The following FBXW10 variants were observed in gnomAD, a reference collection of about 807,000 sequenced individuals.
FBXW10 encodes F-box/WD repeat-containing protein 10.
FBXW10 carries 68 observed loss-of-function variants against 113.1 expected under a neutral mutation model. The ratio of observed to expected loss-of-function variants is 0.60; its 90% CI spans 0.49 to 0.74. The LOEUF is 0.74. Among genes scored for constraint, FBXW10 ranks in the 30% least tolerant of loss-of-function variants. The pLI is 0.00. For synonymous variants in FBXW10, 289 were observed against 481.6 expected (o/e 0.60, Z 5.24); for missense variants, 753 against 1,284.5 (o/e 0.59, Z 6.32).
intron 7 of FBXW10, among the ~76,000 whole-genome samples, chr17:18,761,358 C>T (rs1477831039): frequency 1.2e-4 from 18 of 151,676 alleles, no homozygotes; most frequent in African/African-American, 3.2e-4. Flanking sequence ...CTCCGCCTTC[C>T]GTGATCATGC....
Position 18,778,968 on chromosome 17 carries a change from C to T in FBXW10, c.2829C>T (p.Thr943=), listed in dbSNP as rs776926279. The change falls in exon 14 of 14, where the codon ACC becomes ACT. Residue 943 remains threonine (T), a synonymous_variant. Transcript: ENST00000395665. ...ERAVCSTGPL[T]SMQVIKPNRM... ...CTGTGTGCAGTACGGGTCCCCTGAC[C>T]AGTATGCAGGTCATTAAACCAAACC... 2.5e-6 allele frequency: 4 copies of T among 1,607,334 alleles called. No homozygotes were observed. In the South Asian group the frequency reaches 4.4e-5, roughly 18 times the overall value.
rs574942001 is a variant in FBXW10 at position 18,771,244 on chromosome 17, G to C, written c.2006+1159G>C. ...TGACACCCCGCATTCCATTCCAGCA[G>C]TTCCAGCCAAAACAAGTTACTTTTC... On this transcript the variant is annotated intron_variant, in intron 11 of 13. Transcript: ENST00000395665. Among the ~76,000 whole-genome samples, 162 of 152,318 alleles carry C rather than the reference G, an allele frequency of 1.1e-3. 1 individual carries two copies. Among genetic ancestry groups the C allele is most frequent in the Non-Finnish European group, 1.8e-3 (123 of 68,030 alleles).
At chr17:18,747,713 A>C (rs905920163) in intron 1 of FBXW10, among the ~76,000 whole-genome samples, 9 of 152,248 alleles carry the variant, frequency 5.9e-5, no homozygotes, top group African/African-American at 2.2e-4. Context: ...GCTTGTATAA[A>C]CAACTCGAGA....
rs1409935576 is a variant in FBXW10 at position 18,766,657 on chromosome 17, T to C, written c.1556-57T>C. 3.8e-6 allele frequency: 6 copies of C among 1,581,812 alleles called. No individual in the cohort carries two copies. In the African/African-American group the frequency reaches 5.4e-5, roughly 14 times the overall value. The stretch of plus-strand genomic sequence containing the variant: ...GGGGAGCAGAACTCCACTGTAACCT[T>C]TCCTTTTCCCCCTTTTTCCCCACTC... On this transcript the variant is annotated intron_variant, in intron 8 of 13. Transcript: ENST00000395665.
chr17:18,754,686 C>T (rs1408994811), intron 5 of FBXW10, among the ~76,000 whole-genome samples: 1 of 151,706 alleles, frequency 6.6e-6, no homozygotes. Context: ...TCATCTATGC[C>T]AGAATTTAGC....
chr17:18,776,663 C>T (rs1366010647), intron 13 of FBXW10, among the ~76,000 whole-genome samples: 1 of 152,190 alleles, frequency 6.6e-6, no homozygotes, highest in Admixed American at 6.5e-5. Context: ...CTGAAAAATA[C>T]TGTATCAATT....
Position 18,750,056 on chromosome 17 carries a change from G to C in FBXW10, c.918G>C (p.Gln306His), listed in dbSNP as rs1461957023. ...HTLNKCASVSQHWAAMAQQVK... is the reference protein window; with the variant it reads ...HTLNKCASVSHHWAAMAQQVK... Reference sequence around the variant, plus strand: ...TGAACAAGTGCGCCTCTGTGAGCCAGCACTGGGCCGCCATGGCTCAACAGG... The same window carrying C: ...TGAACAAGTGCGCCTCTGTGAGCCACCACTGGGCCGCCATGGCTCAACAGG... The change falls in exon 4 of 14, where the codon CAG becomes CAC. Residue 306 changes from glutamine (Q) to histidine (H), a missense_variant. Physicochemically the swap from Gln to His is conservative, Grantham distance 24. Coordinates refer to ENST00000395665, the MANE Select transcript of FBXW10 (RefSeq NM_001267585.2). 5 of 1,613,366 alleles carry C rather than the reference G, an allele frequency of 3.1e-6. No homozygotes were observed. The African/African-American group carries it at 6.7e-5, about 22-fold the overall frequency.
At position 18,744,220 on chromosome 17, in the gene FBXW10, A is replaced by G. The variant is rs758716432; in HGVS notation, c.-25A>G. 2.8e-6 allele frequency: 3 copies of G among 1,074,066 alleles called. No homozygotes were observed. Among genetic ancestry groups the G allele is most frequent in the Admixed American group, 1.9e-5 (1 of 51,662 alleles). The allele number at this position is 1,074,066 out of a possible 1,614,324, so 66.5% of individuals were successfully genotyped here. On this transcript the variant is annotated 5_prime_UTR_variant, in exon 1 of 14. Transcript: ENST00000395665. ...GTTGCCGTTGCAAGTGCGCAGGGCT[A>G]AAATGGACTGGTTATCTTAGGATCA... is the stretch of plus-strand genomic sequence containing the variant.
intron 11 of FBXW10, among the ~76,000 whole-genome samples, chr17:18,770,891 CT>C (rs1301880708): frequency 3.3e-5 from 5 of 152,168 alleles, no homozygotes; most frequent in African/African-American, 1.2e-4. Flanking sequence ...CAGTACTGTG[CT>C]TTATATATGC....
Position 18,772,473 on chromosome 17 carries a change from T to C in FBXW10, c.2068T>C (p.Tyr690His), listed in dbSNP as rs769981277. 3.7e-6 allele frequency: 6 copies of C among 1,613,872 alleles called. No individual in the cohort carries two copies. Among genetic ancestry groups the C allele is most frequent in the Non-Finnish European group, 5.1e-6 (6 of 1,179,816 alleles). Residue 690 changes from tyrosine (Y) to histidine (H), a missense_variant, in exon 12 of 14, where the codon TAT becomes CAT. By Grantham distance (83) the Tyr-to-His change is moderately conservative. Transcript: ENST00000395665. ...MFQFEHIKWQ[Y>H]AVEKTKQKKN... ...CCAGTTTGAGCACATAAAGTGGCAG[T>C]ATGCCGTGGAAAAAACGAAACAAAA...
intron 12 of FBXW10, among the ~76,000 whole-genome samples, chr17:18,773,423 T>C (rs2035651821): frequency 6.6e-6 from 1 of 152,156 alleles, no homozygotes; most frequent in Non-Finnish European, 1.5e-5. Flanking sequence ...CTGTGCAGAA[T>C]GTATTGTTTT....
chr17:18,759,149 G>A (rs1479647230), intron 7 of FBXW10, among the ~76,000 whole-genome samples: 6 of 151,782 alleles, frequency 4.0e-5, no homozygotes, highest in African/African-American at 9.7e-5. Flanking sequence ...CAGACTGGGC[G>A]ACACAGCGAG....
intron 7 of FBXW10, among the ~76,000 whole-genome samples, chr17:18,762,070 C>T (rs2035395549): frequency 6.6e-6 from 1 of 151,934 alleles, no homozygotes; most frequent in African/African-American, 2.4e-5. Flanking sequence ...TCATGCCATT[C>T]TCCTTCCTCA....
intron 2 of FBXW10, among the ~76,000 whole-genome samples, chr17:18,748,323 A>G (rs2035084699): frequency 1.3e-5 from 2 of 150,060 alleles, no homozygotes; most frequent in South Asian, 4.2e-4. Flanking sequence ...AGGCAGCAGA[A>G]GGGCGTGAAG....
Position 18,778,783 on chromosome 17 carries a change from A to G in FBXW10, c.2644A>G (p.Thr882Ala). Reference sequence around the variant, plus strand: ...CAATCCTCCTATAGATGTGAAACGAACCAGTATTCCCCTTGAAATCCAGAA... The same window carrying G: ...CAATCCTCCTATAGATGTGAAACGAGCCAGTATTCCCCTTGAAATCCAGAA... ...LSNPPIDVKR[T>A]SIPLEIQKLQ... is the part of the protein sequence containing the mutation. The change falls in exon 14 of 14, where the codon ACC (threonine) becomes GCC (alanine). Residue 882 changes from threonine to alanine, a missense_variant. By Grantham distance (58) the Thr-to-Ala change is moderately conservative (BLOSUM62 0). Transcript: ENST00000395665. 1 of 1,613,826 alleles carries G rather than the reference A, an allele frequency of 6.2e-7. No homozygotes were observed. The highest frequency in any genetic ancestry group is 2.2e-5 in the East Asian group (1 of 44,876).
intron 13 of FBXW10, 26 bp downstream of exon 13, chr17:18,775,218 TA>T: frequency 6.5e-7 from 1 of 1,537,976 alleles, no homozygotes; most frequent in Non-Finnish European, 9.0e-7. Flanking sequence ...ATTCTGTTCA[TA>T]AGGGAACAAG....
At chr17:18,775,666 TG>T (rs1355497569) in intron 13 of FBXW10, among the ~76,000 whole-genome samples, 4 of 152,108 alleles carry the variant, frequency 2.6e-5, no homozygotes, top group Admixed American at 6.6e-5. Context: ...AAGAGAGATT[TG>T]GGGCAGGTGC....
chr17:18,762,437 C>G (rs904378174), intron 7 of FBXW10, among the ~76,000 whole-genome samples: 4 of 151,554 alleles, frequency 2.6e-5, no homozygotes, highest in Non-Finnish European at 4.4e-5. Flanking sequence ...CCTGCCTCAG[C>G]CTCCCGAGTA....
chr17:18,754,778 A>G (rs2035228023), intron 5 of FBXW10, among the ~76,000 whole-genome samples: 1 of 152,202 alleles, frequency 6.6e-6, no homozygotes, highest in Non-Finnish European at 1.5e-5. Context: ...GCAGGCAGGC[A>G]GGAAGGAAAT....
Sources: allele counts gnomAD v4.1 joint callset (sites outside exome capture counted in the v4.1 genomes callset), GRCh38; gene constraint gnomAD v4.1.1; transcripts MANE v1.5; gene names NCBI Gene and HGNC (gene_info 2026-07-23, HGNC 2026-07-21).